PCDHA3: variants seen among roughly 807,000 people sequenced by gnomAD.
PCDHA3 encodes the protein protocadherin alpha-3.
In PCDHA3, 41 loss-of-function variants were observed where a neutral mutation model predicts 62.2. The observed-to-expected ratio is 0.66, with a 90% CI of 0.51 to 0.86. The LOEUF (loss-of-function observed/expected upper bound fraction) is 0.86. PCDHA3 is among the 40% of genes least tolerant of loss of function. The probability of loss-of-function intolerance (pLI) is 0.00; values close to 1 mark genes in which losing one functional copy is unlikely to be tolerated. For missense variants in PCDHA3, 1,304 were observed against 1,241.2 expected, an observed-to-expected ratio of 1.05 and a Z score of -0.76; for synonymous variants, 640 against 555.4, an observed-to-expected ratio of 1.15 and a Z score of -2.14.
intron 1 of PCDHA3, chr5:140,829,510 C>T (rs2150169186): frequency 6.2e-7 from 1 of 1,613,546 alleles, no homozygotes; most frequent in Admixed American, 1.7e-5. Context: ...CGGGCTGCCA[C>T]ATCTTCACGG....
In PCDHA3 at chr5:140,829,409, A is replaced by G. The variant is rs2150167358; in HGVS notation, c.2394+25818A>G. 6 of 1,614,026 alleles carry G rather than the reference A, an allele frequency of 3.7e-6. No individual in the cohort carries two copies. In the African/African-American group the frequency reaches 8.0e-5, roughly 22 times the overall value. On this transcript the variant is annotated intron_variant, in intron 1 of 3. Coordinates refer to ENST00000522353, the MANE Select transcript of PCDHA3 (RefSeq NM_018906.3). Reference sequence around the variant, plus strand: ...CTCGCCTTCGCTGTGGGCCACCGCCAGCTTGTCTGTGGAGGTGGCCGACAT... The same window carrying G: ...CTCGCCTTCGCTGTGGGCCACCGCCGGCTTGTCTGTGGAGGTGGCCGACAT...
intron 1 of PCDHA3, chr5:140,841,282 T>A: frequency 6.5e-7 from 1 of 1,545,352 alleles, no homozygotes; most frequent in Non-Finnish European, 8.7e-7. Context: ...TTCATCTTTA[T>A]ATTAAGATAA....
intron 1 of PCDHA3, chr5:140,853,345 C>G: frequency 4.1e-6 from 4 of 982,282 alleles, no homozygotes; most frequent in Middle Eastern, 5.3e-4. Flanking sequence ...CATTAGCAAA[C>G]ATGAACTCAC....
At chr5:140,903,563 T>G (rs1459855021) in intron 1 of PCDHA3, among the ~76,000 whole-genome samples, 1 of 152,208 alleles carries the variant, frequency 6.6e-6, no homozygotes, top group African/African-American at 2.4e-5. Context: ...ATAAGTGGAA[T>G]TGGGAGCTGT....
intron 1 of PCDHA3, chr5:140,875,534 T>G (rs114654172): frequency 0.025 from 39,957 of 1,614,138 alleles, 601 homozygotes; most frequent in Non-Finnish European, 0.03. Flanking sequence ...CTTCTGCTCC[T>G]TGCAGCCTGG....
chr5:140,802,647 G>A lies in PCDHA3; in HGVS notation c.1450G>A (p.Ala484Thr), dbSNP rs941404430. 3.1e-6 allele frequency: 5 copies of A among 1,613,600 alleles called. No individual in the cohort carries two copies. Among genetic ancestry groups the A allele is most frequent in the Non-Finnish European group, 4.2e-6 (5 of 1,179,880 alleles). ...CACGGTGTCTGCGCGGGACGCGGAC[G>A]CGCAGGAGAACGCCCTGGTGTCCTA... ...IFTVSARDAD[A>T]QENALVSYSL... Residue 484 changes from alanine (A) to threonine (T), a missense_variant, in exon 1 of 4, where the codon GCG (alanine) becomes ACG (threonine). By Grantham distance (58) the Ala-to-Thr change is moderately conservative. Coordinates refer to ENST00000522353, the MANE Select transcript of PCDHA3 (RefSeq NM_018906.3).
chr5:140,851,143 A>T, intron 1 of PCDHA3: 1 of 1,310,128 alleles, frequency 7.6e-7, no homozygotes, highest in Non-Finnish European at 9.9e-7. Flanking sequence ...TTAAAGTGAC[A>T]TTGAATTTCT....
chr5:140,941,255 C>CTTTCTTTTTCTT (rs782490896), intron 1 of PCDHA3, among the ~76,000 whole-genome samples: 1 of 44,508 alleles, frequency 2.2e-5, no homozygotes, highest in Non-Finnish European at 5.1e-5. Context: ...TTCTTTCTTT[C>CTTTCTTTTTCTT]TCTTTCTTTC....
intron 1 of PCDHA3, among the ~76,000 whole-genome samples, chr5:140,945,282 T>C (rs1554216856): frequency 6.6e-6 from 1 of 152,062 alleles, no homozygotes; most frequent in African/African-American, 2.4e-5. Context: ...TTTAAAACAT[T>C]GATGAAAGAA....
At chr5:140,850,689 T>C in intron 1 of PCDHA3, 4 of 1,594,932 alleles carry the variant, frequency 2.5e-6, no homozygotes, top group South Asian at 1.1e-5. Flanking sequence ...CGAGGGCGAG[T>C]GCGCGCCTGG....
chr5:140,985,389 C>T (rs1376347712), intron 3 of PCDHA3, among the ~76,000 whole-genome samples: 1 of 152,266 alleles, frequency 6.6e-6, no homozygotes, highest in African/African-American at 2.4e-5. Context: ...AATCCAGTCA[C>T]CCCAACTGTT....
At position 140,822,730 on chromosome 5, in the gene PCDHA3, A is replaced by G. The variant is rs2150118884; in HGVS notation, c.2394+19139A>G. The G allele has an allele frequency of 2.5e-6, 4 of 1,613,236 alleles. No individual in the cohort carries two copies. The Admixed American group carries it at 5.0e-5, about 20-fold the overall frequency. On this transcript the variant is annotated intron_variant, in intron 1 of 3. Transcript: ENST00000522353. Reference sequence around the variant, plus strand: ...AGACTATAACTCATATGAAATTAATATTGATGCCATGGATAAAAGTACATT... The same window carrying G: ...AGACTATAACTCATATGAAATTAATGTTGATGCCATGGATAAAAGTACATT...
chr5:140,958,162 C>A lies in PCDHA3; in HGVS notation c.2395-20787C>A, dbSNP rs574337485. Among the ~76,000 whole-genome samples the A allele has an allele frequency of 1.1e-4, 16 of 152,028 alleles. No homozygotes were observed. The South Asian group carries it at 3.3e-3, about 32-fold the overall frequency. Reference sequence around the variant, plus strand: ...ATATTTATATAGCATAGTCAAAAGCCTGGAGTGATATAAATTTTCTGTTAC... The same window carrying A: ...ATATTTATATAGCATAGTCAAAAGCATGGAGTGATATAAATTTTCTGTTAC... On this transcript the variant is annotated intron_variant, in intron 1 of 3. Coordinates refer to ENST00000522353, the MANE Select transcript of PCDHA3 (RefSeq NM_018906.3).
intron 1 of PCDHA3, among the ~76,000 whole-genome samples, chr5:140,933,480 G>A (rs1255769578): frequency 6.6e-6 from 1 of 151,846 alleles, no homozygotes; most frequent in East Asian, 1.9e-4. Context: ...ACACATTATG[G>A]TTATTCTTTA....
intron 1 of PCDHA3, chr5:140,877,728 G>A: frequency 1.2e-6 from 2 of 1,614,164 alleles, no homozygotes; most frequent in Non-Finnish European, 1.7e-6. Context: ...CTTACTCGCA[G>A]CAGAGGAGGC....
At chr5:140,928,942 T>G in intron 1 of PCDHA3, 1 of 1,614,062 alleles carries the variant, frequency 6.2e-7, no homozygotes, top group Non-Finnish European at 8.5e-7. Flanking sequence ...GAACTTGTAT[T>G]TAGTAATTGC....
chr5:140,999,338 G>T (rs1451765927), intron 3 of PCDHA3, among the ~76,000 whole-genome samples: 2 of 152,126 alleles, frequency 1.3e-5, no homozygotes, highest in African/African-American at 2.4e-5. Context: ...TGATTTATAA[G>T]CCTTGTCTCT....
intron 3 of PCDHA3, among the ~76,000 whole-genome samples, chr5:140,989,704 A>G (rs1011656518): frequency 9.2e-5 from 14 of 152,202 alleles, no homozygotes; most frequent in Admixed American, 9.2e-4. Context: ...TTTTATCTTC[A>G]GAGGCAGTCA....
At chr5:141,007,522 C>T (rs1475001472) in intron 3 of PCDHA3, among the ~76,000 whole-genome samples, 1 of 151,940 alleles carries the variant, frequency 6.6e-6, no homozygotes, top group Non-Finnish European at 1.5e-5. Context: ...GAGCTGATAT[C>T]TCGCCACTGC....
Sources: allele counts gnomAD v4.1 joint callset (sites outside exome capture counted in the v4.1 genomes callset), GRCh38; gene constraint gnomAD v4.1.1; transcripts MANE v1.5; gene names NCBI Gene and HGNC (gene_info 2026-07-23, HGNC 2026-07-21).